ZNF644: variants seen among roughly 807,000 people sequenced by gnomAD.
ZNF644 encodes the protein zinc finger motif enhancer binding protein 2.
In ZNF644, 20 loss-of-function variants were observed where a neutral mutation model predicts 108.0. The observed-to-expected ratio is 0.19, with a 90% CI of 0.13 to 0.27. The LOEUF is 0.27. ZNF644 is among the 10% of genes least tolerant of loss of function. ZNF644 has a pLI of 1.00. For synonymous variants in ZNF644, 542 were observed against 539.1 expected (o/e 1.01, Z -0.08); for missense variants, 1,338 against 1,548.9 (o/e 0.86, Z 2.29).
At chr1:90,987,317 G>A (rs1405209016) in intron 1 of ZNF644, among the ~76,000 whole-genome samples, 1 of 133,252 alleles carries the variant, frequency 7.5e-6, no homozygotes, top group Non-Finnish European at 1.6e-5. Flanking sequence ...CTAAGAAAAA[G>A]AGAAGACTTG....
intron 1 of ZNF644, among the ~76,000 whole-genome samples, chr1:90,997,851 T>A (rs1468457118): frequency 6.6e-6 from 1 of 152,192 alleles, no homozygotes; most frequent in Non-Finnish European, 1.5e-5. Context: ...CCCACCATAA[T>A]ACTGCGCTTT....
chr1:90,922,051 T>C (rs949275792), intron 4 of ZNF644, among the ~76,000 whole-genome samples: 25 of 152,232 alleles, frequency 1.6e-4, no homozygotes, highest in Non-Finnish European at 2.9e-5. Context: ...TCTTTCCACC[T>C]TTCTGCCCAT....
At chr1:90,930,796 T>G (rs533191460) in intron 4 of ZNF644, among the ~76,000 whole-genome samples, 47 of 152,364 alleles carry the variant, frequency 3.1e-4, no homozygotes, top group African/African-American at 1.1e-3. Flanking sequence ...CATTGTTTCT[T>G]CTTTACAAAA....
chr1:90,994,191 T>A (rs937985687), intron 1 of ZNF644, among the ~76,000 whole-genome samples: 3 of 152,234 alleles, frequency 2.0e-5, no homozygotes, highest in African/African-American at 4.8e-5. Flanking sequence ...CCAGTGGCTA[T>A]CTTTGCCACA....
intron 2 of ZNF644, among the ~76,000 whole-genome samples, chr1:90,979,341 C>T (rs1570487680): frequency 6.6e-6 from 1 of 151,978 alleles, no homozygotes; most frequent in South Asian, 2.1e-4. Flanking sequence ...GGTGTGGTGT[C>T]GCATGCCTGT....
chr1:90,929,488 TCTA>T (rs1650467088), intron 4 of ZNF644, among the ~76,000 whole-genome samples: 1 of 152,188 alleles, frequency 6.6e-6, no homozygotes, highest in East Asian at 1.9e-4. Flanking sequence ...ATCAAAATTT[TCTA>T]CTTACACTCT....
At chr1:90,978,070 G>A (rs549227585) in intron 2 of ZNF644, among the ~76,000 whole-genome samples, 3 of 152,224 alleles carry the variant, frequency 2.0e-5, no homozygotes, top group Non-Finnish European at 4.4e-5. Context: ...TACTAAATGT[G>A]GCCAGGTGCA....
chr1:90,992,065 T>C (rs1657688553), intron 1 of ZNF644, among the ~76,000 whole-genome samples: 1 of 152,112 alleles, frequency 6.6e-6, no homozygotes. Context: ...ACATACTGCA[T>C]GTGTTGATTT....
At chr1:91,021,556 T>G (rs1201555637) in intron 1 of ZNF644, 1 of 152,930 alleles carries the variant, frequency 6.5e-6, no homozygotes, top group Non-Finnish European at 1.5e-5. Flanking sequence ...TTCATGTGAC[T>G]AAACAAAACC....
In ZNF644 at chr1:90,915,798, A is replaced by AT. The variant is rs1648705051; in HGVS notation, c.*999dup. Reference sequence around the variant, plus strand: ...TATGTAGAAATATTTTAATTGGTGTATTAAGTTTTGCTAACTGATCAAATT... The same window carrying AT: ...TATGTAGAAATATTTTAATTGGTGTATTTAAGTTTTGCTAACTGATCAAATT... On this transcript the variant is annotated 3_prime_UTR_variant, in exon 6 of 6. Coordinates refer to ENST00000337393, the MANE Select transcript of ZNF644 (RefSeq NM_201269.3). 6.5e-6 allele frequency: 1 copy of AT among 152,754 alleles called. No individual in the cohort carries two copies. Among genetic ancestry groups the AT allele is most frequent in the African/African-American group, 2.4e-5 (1 of 41,596 alleles). The allele number at this position is 152,754 out of a possible 1,614,324, so 9.5% of individuals were successfully genotyped here.
At chr1:91,010,848 G>A (rs1659900163) in intron 1 of ZNF644, among the ~76,000 whole-genome samples, 1 of 151,906 alleles carries the variant, frequency 6.6e-6, no homozygotes, top group Non-Finnish European at 1.5e-5. Context: ...TGAAAATTGG[G>A]GGAAATACAA....
chr1:90,950,706 G>T (rs764404143), intron 2 of ZNF644, among the ~76,000 whole-genome samples: 1 of 152,112 alleles, frequency 6.6e-6, no homozygotes, highest in Non-Finnish European at 1.5e-5. Flanking sequence ...AAGTAAAGAA[G>T]AATATAGAAG....
chr1:90,916,821 G>A lies in ZNF644; in HGVS notation c.3961C>T (p.Leu1321=), dbSNP rs746657042. The A allele has an allele frequency of 1.9e-6, 3 of 1,614,172 alleles. No individual in the cohort carries two copies. The East Asian group carries it at 6.7e-5, about 36-fold the overall frequency. ...ASITETSFSL[L]MAEAAS The stretch of plus-strand genomic sequence containing the variant: ...TTCTATGAAGCTGCTTCGGCCATTA[G>A]TAGAGAAAATGAAGTTTCTGTAATG... The change falls in exon 6 of 6, where the codon CTA becomes TTA. Residue 1321 remains leucine (L), a synonymous_variant. Coordinates refer to ENST00000337393, the MANE Select transcript of ZNF644 (RefSeq NM_201269.3).
intron 4 of ZNF644, among the ~76,000 whole-genome samples, chr1:90,925,598 T>C (rs565273246): frequency 8.8e-5 from 13 of 148,042 alleles, no homozygotes; most frequent in African/African-American, 3.2e-4. Context: ...TTCCCAAACA[T>C]ATATTAAAAA....
chr1:90,950,399 T>C (rs1653022834), intron 2 of ZNF644, among the ~76,000 whole-genome samples: 1 of 150,850 alleles, frequency 6.6e-6, no homozygotes, highest in African/African-American at 2.4e-5. Context: ...TTGTTAGTAG[T>C]TTTTTTAATT....
intron 1 of ZNF644, among the ~76,000 whole-genome samples, chr1:91,014,353 A>T (rs1398437025): frequency 2.6e-5 from 4 of 152,162 alleles, no homozygotes; most frequent in Non-Finnish European, 5.9e-5. Flanking sequence ...TTATATTAGG[A>T]ATTACTAATA....
intron 1 of ZNF644, 25 bp from the exon 2 acceptor site, chr1:90,982,395 A>G: frequency 6.3e-7 from 1 of 1,584,132 alleles, no homozygotes; most frequent in Non-Finnish European, 8.6e-7. Context: ...CACAATGACC[A>G]AGGTTTAATT....
In ZNF644 at chr1:90,938,595, T is replaced by C. The variant is rs1187901339; in HGVS notation, c.2759A>G (p.Tyr920Cys). 2.5e-6 allele frequency: 4 copies of C among 1,612,660 alleles called. No homozygotes were observed. The highest frequency in any genetic ancestry group is 2.5e-6 in the Non-Finnish European group (3 of 1,179,294). ...YDQNDGFYFE[Y>C]YEDTGSNNFL... ...GTTGTTACTTCCAGTATCTTCATAG[T>C]ATTCAAAATAAAAGCCATCGTTTTG... Residue 920 changes from tyrosine (Y) to cysteine (C), a missense_variant, in exon 3 of 6, where the codon TAC becomes TGC. Transcript: ENST00000337393. This position sits in a 1 kb window ranked among gnomAD's most constrained non-coding sequence, Gnocchi z 4.2.
chr1:90,935,215 CA>C (rs1003375736), intron 4 of ZNF644, among the ~76,000 whole-genome samples: 2 of 151,952 alleles, frequency 1.3e-5, no homozygotes, highest in African/African-American at 4.8e-5. Context: ...CAATAAGAGC[CA>C]AAAGAAAAAG....
Sources: gnomAD v4.1 joint callset for allele counts (sites outside exome capture counted in the v4.1 genomes callset) on GRCh38, gnomAD v4.1.1 for gene constraint, Gnocchi (gnomAD v3.1) non-coding constraint, MANE v1.5 for transcripts, NCBI Gene and HGNC (gene_info 2026-07-23, HGNC 2026-07-21) for gene names.